The following PTCHD4 variants were observed in gnomAD, a reference collection of about 807,000 sequenced individuals.
The protein encoded by PTCHD4 is patched domain containing 4.
Under a neutral mutation model 58.1 loss-of-function variants are expected in PTCHD4, and 33 were observed. The observed-to-expected ratio is 0.57, with a 90% CI of 0.43 to 0.76. PTCHD4 has a LOEUF of 0.76. Ranked by LOEUF, PTCHD4 falls within the 30% of genes least tolerant of loss-of-function variation. The probability of loss-of-function intolerance (pLI) is 0.00; values close to 1 mark genes in which losing one functional copy is unlikely to be tolerated. For synonymous variants in PTCHD4, 478 were observed against 409.6 expected, an observed-to-expected ratio of 1.17 and a Z score of -2.02; for missense variants, 1,058 against 1,027.1, an observed-to-expected ratio of 1.03 and a Z score of -0.41.
chr6:48,009,433 A>G (rs1319807694), intron 3 of PTCHD4, among the ~76,000 whole-genome samples: 1 of 152,216 alleles, frequency 6.6e-6, no homozygotes, highest in Admixed American at 6.5e-5. Context: ...GTAACAATCC[A>G]TTACAAATCC....
chr6:47,889,615 A>G (rs994823577), intron 4 of PTCHD4, among the ~76,000 whole-genome samples: 1 of 151,870 alleles, frequency 6.6e-6, no homozygotes, highest in Non-Finnish European at 1.5e-5. Flanking sequence ...AGGATTCCCT[A>G]TTTAATAAAT....
chr6:47,904,512 C>T (rs1454438581), intron 4 of PTCHD4, among the ~76,000 whole-genome samples: 1 of 152,144 alleles, frequency 6.6e-6, no homozygotes, highest in African/African-American at 2.4e-5. Context: ...GTATCTGGCT[C>T]TTCACAGAAA....
intron 3 of PTCHD4, among the ~76,000 whole-genome samples, chr6:48,060,783 G>T (rs1286312076): frequency 2.0e-5 from 3 of 152,142 alleles, no homozygotes; most frequent in Admixed American, 6.5e-5. Flanking sequence ...CACGCCTTCA[G>T]CCTTTGAAAT....
In PTCHD4 at chr6:47,866,590, G is replaced by A. The variant is rs966459146; in HGVS notation, c.*11713C>T. Among the ~76,000 whole-genome samples the A allele has an allele frequency of 4.0e-5, 6 of 151,806 alleles. No homozygotes were observed. The highest frequency in any genetic ancestry group is 7.2e-5 in the African/African-American group (3 of 41,382). ...CAGTTGGAAAATGGGGCCTCCCCAGGCCAACTCCAACCTTATCTATAACTC... is the reference window on the plus strand; with the variant it reads ...CAGTTGGAAAATGGGGCCTCCCCAGACCAACTCCAACCTTATCTATAACTC... On this transcript the variant is annotated 3_prime_UTR_variant, in exon 5 of 5. Coordinates refer to ENST00000339488, the MANE Select transcript of PTCHD4 (RefSeq NM_001384253.1).
chr6:47,929,043 T>G (rs776762450), intron 4 of PTCHD4, among the ~76,000 whole-genome samples: 59 of 148,260 alleles, frequency 4.0e-4, no homozygotes, highest in Non-Finnish European at 7.5e-4. Flanking sequence ...TAAATAGAGC[T>G]GCATTAGAAT....
rs1337477474 is a variant in PTCHD4, at chr6:47,930,011, GT to G, written c.899-50076del. Among the ~76,000 whole-genome samples, 4 of 152,278 alleles carry G rather than the reference GT, an allele frequency of 2.6e-5. 1 individual carries two copies. The highest frequency in any genetic ancestry group is 2.1e-4 in the South Asian group (1 of 4,824). ...GCATAGAGTCTGAAGTAAGAAACTT[GT>G]TCTGCAGTCTTACTCTCAAGCTTGT... On this transcript the variant is annotated intron_variant, in intron 4 of 4. Coordinates refer to ENST00000339488, the MANE Select transcript of PTCHD4 (RefSeq NM_001384253.1).
intron 1 of PTCHD4, among the ~76,000 whole-genome samples, chr6:48,095,950 T>TA (rs1049818602): frequency 5.3e-5 from 8 of 151,220 alleles, no homozygotes; most frequent in East Asian, 1.9e-4. Context: ...CTCACACATT[T>TA]AAAAAAAAAG....
At chr6:48,036,641 TTA>T (rs1763645785) in intron 3 of PTCHD4, among the ~76,000 whole-genome samples, 1 of 152,112 alleles carries the variant, frequency 6.6e-6, no homozygotes, top group Non-Finnish European at 1.5e-5. Flanking sequence ...CGTTACTTAA[TTA>T]TACCTCAAAA....
rs542652491 is a variant in PTCHD4, at chr6:48,107,595, C to G, written c.-970+3454G>C. ...CAATGGCAACAAAAGCCAAAATTGACAAATGGGATCTAATTAAACTAAAGA... is the reference window on the plus strand; with the variant it reads ...CAATGGCAACAAAAGCCAAAATTGAGAAATGGGATCTAATTAAACTAAAGA... On this transcript the variant is annotated intron_variant, in intron 1 of 4. Coordinates refer to ENST00000339488, the MANE Select transcript of PTCHD4 (RefSeq NM_001384253.1). Among the ~76,000 whole-genome samples, 37 of 152,090 alleles carry G rather than the reference C, an allele frequency of 2.4e-4. No homozygotes were observed. The South Asian group carries it at 7.3e-3, about 30-fold the overall frequency.
At position 48,049,274 on chromosome 6, in the gene PTCHD4, A is replaced by T. The variant is rs570537031; in HGVS notation, c.417+18956T>A. Among the ~76,000 whole-genome samples, 54 of 151,984 alleles carry T rather than the reference A, an allele frequency of 3.6e-4. 2 individuals are homozygous for T. In the South Asian group the frequency reaches 0.01, roughly 29 times the overall value. On this transcript the variant is annotated intron_variant, in intron 3 of 4. Transcript: ENST00000339488. ...AATGCACAGGGCAATCTCACAACAA[A>T]GAATCATCTGGCCCCAAATAGTGCC...
At chr6:47,948,176 G>A (rs1766493659) in intron 4 of PTCHD4, among the ~76,000 whole-genome samples, 1 of 152,194 alleles carries the variant, frequency 6.6e-6, no homozygotes, top group East Asian at 1.9e-4. Context: ...GTTCCTTGTT[G>A]TTGTAGTATT....
At position 47,875,940 on chromosome 6, in the gene PTCHD4, G is replaced by A. The variant is rs1581808958; in HGVS notation, c.*2363C>T. 6.6e-6 allele frequency among the ~76,000 whole-genome samples: 1 copy of A among 151,732 alleles called. No individual in the cohort carries two copies. The highest frequency in any genetic ancestry group is 1.5e-5 in the Non-Finnish European group (1 of 67,884). On this transcript the variant is annotated 3_prime_UTR_variant, in exon 5 of 5. Transcript: ENST00000339488. The stretch of plus-strand genomic sequence containing the variant: ...AGCATGGCACACAATGGGAAGAAAA[G>A]GAGTGATAGTTAATTAACTTTCTCA...
chr6:47,990,929 T>A (rs1251185789), intron 4 of PTCHD4, among the ~76,000 whole-genome samples: 8 of 152,070 alleles, frequency 5.3e-5, no homozygotes, highest in Non-Finnish European at 8.8e-5. Flanking sequence ...ATCTAGATGC[T>A]ACAAAGAAGA....
At chr6:47,919,295 C>T (rs1210424800) in intron 4 of PTCHD4, among the ~76,000 whole-genome samples, 1 of 151,974 alleles carries the variant, frequency 6.6e-6, no homozygotes, top group Non-Finnish European at 1.5e-5. Context: ...CAAAACATAC[C>T]AGATCCCTGC....
intron 3 of PTCHD4, among the ~76,000 whole-genome samples, chr6:48,029,615 G>GA (rs1161359812): frequency 1.3e-5 from 2 of 151,926 alleles, no homozygotes; most frequent in Non-Finnish European, 2.9e-5. Flanking sequence ...ATGCCTTTGA[G>GA]AAAAAAGGTG....
intron 4 of PTCHD4, among the ~76,000 whole-genome samples, chr6:47,965,313 C>A (rs1397714822): frequency 2.6e-5 from 4 of 152,130 alleles, no homozygotes; most frequent in Non-Finnish European, 5.9e-5. Context: ...GCGAAAATAT[C>A]ACCTGTAGAT....
intron 4 of PTCHD4, among the ~76,000 whole-genome samples, chr6:47,890,712 G>T (rs1764350365): frequency 6.6e-6 from 1 of 152,126 alleles, no homozygotes; most frequent in African/African-American, 2.4e-5. Flanking sequence ...AGTTGGCTTT[G>T]TAAGGGGGGG....
chr6:48,042,070 G>A (rs1763868451), intron 3 of PTCHD4, among the ~76,000 whole-genome samples: 1 of 151,974 alleles, frequency 6.6e-6, no homozygotes, highest in South Asian at 2.1e-4. Context: ...CTATTTTAAA[G>A]TTCACAAGCT....
At chr6:47,939,256 A>G (rs1371167502) in intron 4 of PTCHD4, among the ~76,000 whole-genome samples, 1 of 152,228 alleles carries the variant, frequency 6.6e-6, no homozygotes, top group East Asian at 1.9e-4. Context: ...ATTAAAACTC[A>G]GATTACTAAA....
Sources: gnomAD v4.1 joint callset for allele counts (sites outside exome capture counted in the v4.1 genomes callset) on GRCh38, gnomAD v4.1.1 for gene constraint, MANE v1.5 for transcripts, NCBI Gene and HGNC (gene_info 2026-07-23, HGNC 2026-07-21) for gene names.